The following LDLRAD4 variants were observed in gnomAD, a reference collection of about 807,000 sequenced individuals.
LDLRAD4 encodes low-density lipoprotein receptor class A domain-containing protein 4.
LDLRAD4 carries 5 observed loss-of-function variants against 17.0 expected under a neutral mutation model. The observed-to-expected ratio is 0.29, with a 90% CI of 0.15 to 0.62. The LOEUF is 0.62. Among genes scored for constraint, LDLRAD4 ranks in the 20% least tolerant of loss-of-function variants. LDLRAD4 has a pLI of 0.84. For synonymous variants in LDLRAD4, 168 were observed against 171.8 expected (o/e 0.98, Z 0.17); for missense variants, 340 against 424.7 (o/e 0.80, Z 1.75).
At chr18:13,551,644 A>G (rs564137435) in intron 3 of LDLRAD4, among the ~76,000 whole-genome samples, 2 of 152,252 alleles carry the variant, frequency 1.3e-5, no homozygotes, top group Admixed American at 6.5e-5. Flanking sequence ...AGGGCGGCCA[A>G]CAGGGACAGA....
intron 2 of LDLRAD4, among the ~76,000 whole-genome samples, chr18:13,401,290 G>A (rs960652649): frequency 6.6e-6 from 1 of 151,860 alleles, no homozygotes; most frequent in Non-Finnish European, 1.5e-5. Flanking sequence ...GGAGAAGCTG[G>A]GTAAGACTGT....
intron 3 of LDLRAD4, chr18:13,612,791 C>G (rs2039723102): frequency 6.2e-7 from 1 of 1,613,952 alleles, no homozygotes; most frequent in Non-Finnish European, 8.5e-7. Flanking sequence ...TTCCCAAGAA[C>G]TGCTATGGAT....
chr18:13,389,980 C>T (rs2086141779), intron 2 of LDLRAD4, among the ~76,000 whole-genome samples: 1 of 151,112 alleles, frequency 6.6e-6, no homozygotes, highest in African/African-American at 2.5e-5. Context: ...CTCCCCAGCT[C>T]ACGTTTTTTT....
At chr18:13,218,548 G>C (rs2041271747), upstream of LDLRAD4, among the ~76,000 whole-genome samples, 2 of 152,180 alleles carry the variant, frequency 1.3e-5, no homozygotes. Context: ...AGCGGGAAGC[G>C]GGAAGATCCT....
chr18:13,339,123 T>C (rs1461489707), intron 1 of LDLRAD4, among the ~76,000 whole-genome samples: 1 of 152,212 alleles, frequency 6.6e-6, no homozygotes, highest in Non-Finnish European at 1.5e-5. Context: ...AGGCTTTCAC[T>C]GATTAAAATA....
chr18:13,376,872 C>A (rs1202048354), intron 1 of LDLRAD4, among the ~76,000 whole-genome samples: 1 of 152,212 alleles, frequency 6.6e-6, no homozygotes, highest in Non-Finnish European at 1.5e-5. Context: ...GGAAATTGGT[C>A]TAATGAACTC....
At chr18:13,455,889 A>G (rs1306758211) in intron 3 of LDLRAD4, among the ~76,000 whole-genome samples, 1 of 152,192 alleles carries the variant, frequency 6.6e-6, no homozygotes, top group Non-Finnish European at 1.5e-5. Flanking sequence ...TTTAAAATAC[A>G]AGCCTGTTTA....
At chr18:13,380,404 G>C (rs1889155373) in intron 1 of LDLRAD4, among the ~76,000 whole-genome samples, 1 of 152,164 alleles carries the variant, frequency 6.6e-6, no homozygotes, top group Non-Finnish European at 1.5e-5. Flanking sequence ...GCTTGGGCCA[G>C]GATCCAGACA....
chr18:13,560,782 C>G (rs181993143), intron 3 of LDLRAD4, among the ~76,000 whole-genome samples: 1 of 152,172 alleles, frequency 6.6e-6, no homozygotes, highest in Non-Finnish European at 1.5e-5. Flanking sequence ...ATTCCAACAT[C>G]AAGTGTCCAT....
In LDLRAD4 at chr18:13,387,770, T is replaced by A. The variant is rs2085938647; in HGVS notation, c.40+8T>A. On this transcript the variant is annotated splice_region_variant and intron_variant, in intron 2 of 5. Coordinates refer to ENST00000359446, the Ensembl canonical transcript of LDLRAD4. ...CCACAAATGCTTTCACAGGTGAGCA[T>A]GCTCCAGGTAATCCGAGGCTTTGCC... is the stretch of plus-strand genomic sequence containing the variant. The A allele has an allele frequency of 1.2e-6, 2 of 1,613,304 alleles. No individual in the cohort carries two copies. Among genetic ancestry groups the A allele is most frequent in the Non-Finnish European group, 1.7e-6 (2 of 1,179,266 alleles).
chr18:13,292,243 T>G (rs1037636139), intron 1 of LDLRAD4, among the ~76,000 whole-genome samples: 1 of 152,200 alleles, frequency 6.6e-6, no homozygotes, highest in Admixed American at 6.5e-5. Flanking sequence ...ACAGCAGCAC[T>G]GGGTGCACCT....
chr18:13,620,602 G>GA (rs1247592902), intron 3 of LDLRAD4, among the ~76,000 whole-genome samples: 3 of 152,214 alleles, frequency 2.0e-5, no homozygotes, highest in Non-Finnish European at 4.4e-5. Flanking sequence ...GGCATTTAAG[G>GA]AATCTTTGGG....
intron 3 of LDLRAD4, among the ~76,000 whole-genome samples, chr18:13,534,756 T>G (rs1170974491): frequency 3.3e-5 from 5 of 152,064 alleles, no homozygotes; most frequent in African/African-American, 9.7e-5. Flanking sequence ...GGTAACGACA[T>G]ACAGTTGCAT....
At position 13,300,668 on chromosome 18, in the gene LDLRAD4, C is replaced by T. The variant is rs970215235; in HGVS notation, c.-383+22480C>T. Among the ~76,000 whole-genome samples, 3 of 152,104 alleles carry T rather than the reference C, an allele frequency of 2.0e-5. No individual in the cohort carries two copies. Among genetic ancestry groups the T allele is most frequent in the Non-Finnish European group, 4.4e-5 (3 of 68,028 alleles). On this transcript the variant is annotated intron_variant, in intron 1 of 5. Transcript: ENST00000359446. The surrounding 1 kb of genome is among the most constrained non-coding windows in gnomAD (Gnocchi z 4.2). ...TTTAGTTCATCTTTATATGATCAGC[C>T]CCTGCACCCAAGAATTTCTTGGTGG...
chr18:13,574,207 C>T (rs3786165), intron 3 of LDLRAD4, among the ~76,000 whole-genome samples: 24,510 of 152,180 alleles, frequency 0.16, 2,232 homozygotes, highest in Admixed American at 0.26. Flanking sequence ...GGATGTTCTG[C>T]CGTCTGCTAT....
At chr18:13,552,680 C>A (rs1426202516) in intron 3 of LDLRAD4, among the ~76,000 whole-genome samples, 1 of 152,190 alleles carries the variant, frequency 6.6e-6, no homozygotes, top group Non-Finnish European at 1.5e-5. Flanking sequence ...TTCACTCTTT[C>A]TTCCGTGTTG....
chr18:13,633,797 G>A (rs752906463), intron 4 of LDLRAD4, among the ~76,000 whole-genome samples: 4 of 152,202 alleles, frequency 2.6e-5, no homozygotes, highest in Non-Finnish European at 4.4e-5. Flanking sequence ...CCCTGGGTCC[G>A]CAGCTGCAGC....
chr18:13,485,915 C>CA (rs1206922327), intron 3 of LDLRAD4, among the ~76,000 whole-genome samples: 3 of 152,124 alleles, frequency 2.0e-5, no homozygotes, highest in Admixed American at 2.0e-4. Flanking sequence ...ATTATCACTA[C>CA]AAAAAATAGG....
intron 3 of LDLRAD4, among the ~76,000 whole-genome samples, chr18:13,574,553 C>G (rs1468852504): frequency 2.6e-5 from 4 of 152,178 alleles, no homozygotes; most frequent in African/African-American, 4.8e-5. Context: ...GGACCATGGC[C>G]GATGTGTCTC....
Sources: gnomAD v4.1 joint callset for allele counts (sites outside exome capture counted in the v4.1 genomes callset) on GRCh38, gnomAD v4.1.1 for gene constraint, Gnocchi (gnomAD v3.1) non-coding constraint, MANE v1.5 for transcripts, NCBI Gene and HGNC (gene_info 2026-07-23, HGNC 2026-07-21) for gene names.